The following SDCCAG8 variants were observed in gnomAD, a reference collection of about 807,000 sequenced individuals.
SDCCAG8 encodes serologically defined colon cancer antigen 8.
Under a neutral mutation model 101.8 loss-of-function variants are expected in SDCCAG8, and 74 were observed. That is an observed-to-expected ratio of 0.73 (90% CI 0.60 to 0.88). The LOEUF is 0.88. Among genes scored for constraint, SDCCAG8 ranks in the 40% least tolerant of loss-of-function variants. The probability of loss-of-function intolerance (pLI) is 0.00; values close to 1 mark genes in which losing one functional copy is unlikely to be tolerated. For missense variants in SDCCAG8, 787 were observed against 822.6 expected, an observed-to-expected ratio of 0.96 and a Z score of 0.53; for synonymous variants, 281 against 292.9, an observed-to-expected ratio of 0.96 and a Z score of 0.41.
chr1:243,309,383 C>A (rs144418740), intron 8 of SDCCAG8, among the ~76,000 whole-genome samples: 1 of 152,328 alleles, frequency 6.6e-6, no homozygotes, highest in East Asian at 1.9e-4. Context: ...AAAACACTTC[C>A]TGACATATAG....
At chr1:243,320,435 C>T (rs2073654910) in intron 9 of SDCCAG8, among the ~76,000 whole-genome samples, 1 of 152,170 alleles carries the variant, frequency 6.6e-6, no homozygotes, top group Non-Finnish European at 1.5e-5. Context: ...CTTTCCCATG[C>T]CCGTGGTCTG....
intron 12 of SDCCAG8, among the ~76,000 whole-genome samples, chr1:243,377,514 T>G (rs2077667457): frequency 6.6e-6 from 1 of 152,020 alleles, no homozygotes; most frequent in Non-Finnish European, 1.5e-5. Context: ...AGCCAATATT[T>G]GAGAACTGTA....
intron 13 of SDCCAG8, among the ~76,000 whole-genome samples, chr1:243,385,101 T>C (rs1296841040): frequency 2.6e-5 from 4 of 151,958 alleles, no homozygotes; most frequent in Non-Finnish European, 4.4e-5. Flanking sequence ...AGAAAATACA[T>C]GAGTAGATCG....
intron 16 of SDCCAG8, among the ~76,000 whole-genome samples, chr1:243,471,771 T>C (rs1225495621): frequency 6.6e-6 from 1 of 152,162 alleles, no homozygotes; most frequent in Non-Finnish European, 1.5e-5. Flanking sequence ...TTGGACCTCA[T>C]GTGTGGCATT....
At chr1:243,389,039 G>A (rs2078520602) in intron 13 of SDCCAG8, among the ~76,000 whole-genome samples, 1 of 149,604 alleles carries the variant, frequency 6.7e-6, no homozygotes, top group African/African-American at 2.5e-5. Context: ...GTGCGTGCCT[G>A]TAGTCCTGGC....
At chr1:243,422,058 T>G (rs932657246) in intron 15 of SDCCAG8, among the ~76,000 whole-genome samples, 1 of 152,150 alleles carries the variant, frequency 6.6e-6, no homozygotes, top group Non-Finnish European at 1.5e-5. Context: ...TGGAGAGAAG[T>G]GTGTGCTAGG....
intron 9 of SDCCAG8, among the ~76,000 whole-genome samples, chr1:243,323,839 G>A (rs1275258774): frequency 6.6e-6 from 1 of 152,030 alleles, no homozygotes; most frequent in East Asian, 1.9e-4. Context: ...CTGTTAACTG[G>A]CCTATCATAA....
At chr1:243,314,151 A>G (rs2073023534) in intron 8 of SDCCAG8, among the ~76,000 whole-genome samples, 1 of 152,180 alleles carries the variant, frequency 6.6e-6, no homozygotes, top group Admixed American at 6.5e-5. Flanking sequence ...CAAAATGACT[A>G]CCTACCTGCA....
At chr1:243,260,685 A>AC (rs1464130900) in intron 1 of SDCCAG8, among the ~76,000 whole-genome samples, 1 of 152,212 alleles carries the variant, frequency 6.6e-6, no homozygotes, top group Non-Finnish European at 1.5e-5. Context: ...TACATGACTC[A>AC]CCTATTCACC....
At chr1:243,361,824 T>G (rs1262922291) in intron 12 of SDCCAG8, among the ~76,000 whole-genome samples, 1 of 152,258 alleles carries the variant, frequency 6.6e-6, no homozygotes, top group African/African-American at 2.4e-5. Flanking sequence ...TTCATGGAGC[T>G]TATTATAAGT....
At chr1:243,256,918 C>T (rs553662614) in intron 1 of SDCCAG8, among the ~76,000 whole-genome samples, 10 of 152,320 alleles carry the variant, frequency 6.6e-5, no homozygotes, top group African/African-American at 2.2e-4. Flanking sequence ...GATTTTCTTA[C>T]CACATTACCA....
In SDCCAG8 at chr1:243,383,213, C is replaced by CA. The variant is rs1433761078; in HGVS notation, c.1616+4351dup. Among the ~76,000 whole-genome samples, 5 of 152,280 alleles carry CA rather than the reference C, an allele frequency of 3.3e-5. No individual in the cohort carries two copies. The South Asian group carries it at 6.2e-4, about 19-fold the overall frequency. Reference sequence around the variant, plus strand: ...AGAAGAATGATTCGAAGAGTATTTTCAGGGGGCAGTAACAATTAAAACCAT... The same window carrying CA: ...AGAAGAATGATTCGAAGAGTATTTTCAAGGGGGCAGTAACAATTAAAACCAT... On this transcript the variant is annotated intron_variant, in intron 13 of 17. Transcript: ENST00000366541.
intron 13 of SDCCAG8, among the ~76,000 whole-genome samples, chr1:243,398,458 C>G (rs1205700018): frequency 1.3e-5 from 2 of 151,900 alleles, no homozygotes; most frequent in African/African-American, 4.8e-5. Flanking sequence ...AGTTGATGAC[C>G]TGTATTTTAA....
intron 10 of SDCCAG8, among the ~76,000 whole-genome samples, chr1:243,332,995 A>G (rs2074736165): frequency 1.3e-5 from 2 of 152,222 alleles, no homozygotes; most frequent in South Asian, 2.1e-4. Context: ...CAAATTCTCT[A>G]TAATACCATT....
intron 16 of SDCCAG8, among the ~76,000 whole-genome samples, chr1:243,473,839 T>A (rs1265679929): frequency 1.3e-5 from 2 of 149,984 alleles, no homozygotes; most frequent in African/African-American, 2.5e-5. Context: ...AATATTTTTA[T>A]GGAATCAGGA....
At chr1:243,496,597 G>A (rs1052011923) in intron 17 of SDCCAG8, among the ~76,000 whole-genome samples, 3 of 152,234 alleles carry the variant, frequency 2.0e-5, no homozygotes, top group East Asian at 1.9e-4. Context: ...AGCCACCCAC[G>A]GAGACAGTGA....
At chr1:243,406,809 C>A (rs2079818580) in intron 13 of SDCCAG8, among the ~76,000 whole-genome samples, 1 of 152,158 alleles carries the variant, frequency 6.6e-6, no homozygotes, top group Non-Finnish European at 1.5e-5. Flanking sequence ...TCTCAGGGCA[C>A]CTGGTTATCT....
intron 16 of SDCCAG8, among the ~76,000 whole-genome samples, chr1:243,452,757 G>A (rs2083462865): frequency 6.6e-6 from 1 of 152,126 alleles, no homozygotes; most frequent in Non-Finnish European, 1.5e-5. Context: ...GAAATGCATA[G>A]ATGGGCTGTG....
At chr1:243,407,527 T>C (rs1003476850) in intron 13 of SDCCAG8, among the ~76,000 whole-genome samples, 3 of 152,196 alleles carry the variant, frequency 2.0e-5, no homozygotes, top group African/African-American at 7.2e-5. Flanking sequence ...ATGGGAATTG[T>C]GCATATGTAA....
Sources: gnomAD v4.1 joint callset for allele counts (sites outside exome capture counted in the v4.1 genomes callset) on GRCh38, gnomAD v4.1.1 for gene constraint, MANE v1.5 for transcripts, NCBI Gene and HGNC (gene_info 2026-07-23, HGNC 2026-07-21) for gene names.